The following SLC2A5 variants were observed in gnomAD, a reference collection of about 807,000 sequenced individuals.
The protein encoded by SLC2A5 is solute carrier family 2, facilitated glucose transporter member 5.
SLC2A5 carries 56 observed loss-of-function variants against 50.3 expected under a neutral mutation model. The ratio of observed to expected loss-of-function variants is 1.11; its 90% CI spans 0.90 to 1.39. The LOEUF (loss-of-function observed/expected upper bound fraction) is 1.39. Among genes scored for constraint, SLC2A5 ranks in the 40% most tolerant of loss-of-function variants. The pLI is 0.00. For missense variants in SLC2A5, 566 were observed against 650.1 expected (o/e 0.87, Z 1.41); for synonymous variants, 269 against 281.9 (o/e 0.95, Z 0.46).
Position 9,040,077 on chromosome 1 carries a change from C to T in SLC2A5, c.684G>A (p.Ala228=). The T allele has an allele frequency of 1.9e-6, 3 of 1,588,822 alleles. No individual in the cohort carries two copies. Among genetic ancestry groups the T allele is most frequent in the South Asian group, 1.1e-5 (1 of 88,804 alleles). Residue 228 remains alanine (A), a synonymous_variant, in exon 6 of 12, where the codon GCG becomes GCA. Coordinates refer to ENST00000377424, the MANE Select transcript of SLC2A5 (RefSeq NM_003039.3). The surrounding 1 kb of genome is among the most constrained non-coding windows in gnomAD (Gnocchi z 4.3). Reference sequence around the variant, plus strand: ...AGCCCTCGTTACCTTTCTTGGCGGCCGCTTCGTCTTTCTTCTGAATCAGCA... The same window carrying T: ...AGCCCTCGTTACCTTTCTTGGCGGCTGCTTCGTCTTTCTTCTGAATCAGCA... ...RYLLIQKKDE[A]AAKKALQTLR...
intron 1 of SLC2A5, among the ~76,000 whole-genome samples, chr1:9,064,306 T>C (rs1440901171): frequency 2.0e-5 from 3 of 151,972 alleles, no homozygotes; most frequent in Non-Finnish European, 4.4e-5. Flanking sequence ...GATTAGGGCA[T>C]AAGGAAAAGG....
At chr1:9,048,999 C>T in intron 3 of SLC2A5, 2 of 367,998 alleles carry the variant, frequency 5.4e-6, no homozygotes, top group Non-Finnish European at 1.1e-5. Context: ...AATAGAAGAA[C>T]TTCTTTAAGC....
chr1:9,047,473 C>T (rs1206268101), intron 4 of SLC2A5, 137 bp downstream of exon 4: 10 of 802,748 alleles, frequency 1.2e-5, no homozygotes, highest in Non-Finnish European at 1.8e-5. Context: ...AGGGCTCAAC[C>T]ATCTGTTTCA....
chr1:9,075,156 A>G (rs973918959), intron 2 of SLC2A5, among the ~76,000 whole-genome samples: 3 of 152,198 alleles, frequency 2.0e-5, no homozygotes, highest in Non-Finnish European at 4.4e-5. Flanking sequence ...GCCTCTCTTC[A>G]TGGTCCACAA....
intron 3 of SLC2A5, among the ~76,000 whole-genome samples, chr1:9,056,184 T>G (rs980416678): frequency 6.6e-6 from 1 of 152,014 alleles, no homozygotes; most frequent in Non-Finnish European, 1.5e-5. Context: ...CAGCGGTGTT[T>G]TTTGTTTGTT....
At chr1:9,038,286 C>T in intron 10 of SLC2A5, 145 bp downstream of exon 10, 1 of 704,588 alleles carries the variant, frequency 1.4e-6, no homozygotes, top group Non-Finnish European at 2.5e-6. Flanking sequence ...TCATTATGTG[C>T]CACCCACCCC....
chr1:9,086,612 A>T (rs1227643027), intron 1 of SLC2A5, among the ~76,000 whole-genome samples: 1 of 152,010 alleles, frequency 6.6e-6, no homozygotes, highest in Non-Finnish European at 1.5e-5. Flanking sequence ...GTTGGTCTTG[A>T]ACTCCTGATC....
chr1:9,070,834 G>A (rs893920562), upstream of SLC2A5, among the ~76,000 whole-genome samples: 11 of 151,638 alleles, frequency 7.3e-5, no homozygotes, highest in Admixed American at 6.6e-5. Flanking sequence ...CAGCGTGGCC[G>A]TCTGTGTGTG....
intron 3 of SLC2A5, among the ~76,000 whole-genome samples, chr1:9,053,461 A>T (rs1341751134): frequency 5.2e-5 from 2 of 38,400 alleles, no homozygotes; most frequent in Admixed American, 4.7e-4. Flanking sequence ...ATTTATATAT[A>T]TTATATATAT....
intron 1 of SLC2A5, among the ~76,000 whole-genome samples, chr1:9,062,836 C>T (rs1471725422): frequency 6.6e-6 from 1 of 152,076 alleles, no homozygotes; most frequent in Non-Finnish European, 1.5e-5. Flanking sequence ...CACGCCATTG[C>T]ACTCCAGTCT....
upstream of SLC2A5, among the ~76,000 whole-genome samples, chr1:9,089,273 CTT>C (rs928039946): frequency 2.0e-4 from 31 of 152,132 alleles, no homozygotes; most frequent in Non-Finnish European, 3.5e-4. Context: ...TTATGAAAAA[CTT>C]AGAGAAATTA....
intron 8 of SLC2A5, among the ~76,000 whole-genome samples, chr1:9,039,308 G>C (rs970092263): frequency 6.6e-6 from 1 of 152,240 alleles, no homozygotes; most frequent in African/African-American, 2.4e-5. Flanking sequence ...CCACCCAGCA[G>C]TGGGCGCTGC....
chr1:9,039,626 C>A lies in SLC2A5; in HGVS notation c.922G>T (p.Gly308Cys). Residue 308 changes from glycine (G) to cysteine (C), a missense_variant, in exon 8 of 12, where the codon GGC becomes TGC. Transcript: ENST00000377424. ...YYADQIYLSA[G>C]VPEEHVQYVT... ...TACTGCACGTGCTCCTCCGGCACGC[C>A]GGCGCTCAGGTAGATCTGGTCCGCG... 6.4e-7 allele frequency: 1 copy of A among 1,564,608 alleles called. No individual in the cohort carries two copies. The highest frequency in any genetic ancestry group is 8.7e-7 in the Non-Finnish European group (1 of 1,155,498).
At chr1:9,056,522 G>A (rs1023453756) in intron 3 of SLC2A5, among the ~76,000 whole-genome samples, 1 of 151,862 alleles carries the variant, frequency 6.6e-6, no homozygotes, top group Non-Finnish European at 1.5e-5. Flanking sequence ...TTGAAATACT[G>A]GAGGAGGAGT....
At chr1:9,078,814 T>C (rs576229641) in intron 2 of SLC2A5, among the ~76,000 whole-genome samples, 8 of 152,272 alleles carry the variant, frequency 5.3e-5, no homozygotes, top group African/African-American at 1.4e-4. Flanking sequence ...CTGGGCCTAA[T>C]AAATTTTGCG....
At chr1:9,053,136 T>TA (rs1186191764) in intron 3 of SLC2A5, among the ~76,000 whole-genome samples, 20 of 99,094 alleles carry the variant, frequency 2.0e-4, no homozygotes, top group East Asian at 7.4e-4. Context: ...ATTACATATA[T>TA]TTATATGTTA....
intron 3 of SLC2A5, among the ~76,000 whole-genome samples, chr1:9,053,340 AC>A (rs1218597455): frequency 4.5e-5 from 3 of 67,356 alleles, no homozygotes; most frequent in African/African-American, 1.7e-4. Context: ...ATATTTATAT[AC>A]TATATATATT....
intron 3 of SLC2A5, among the ~76,000 whole-genome samples, chr1:9,054,719 G>A (rs1019405675): frequency 2.6e-5 from 4 of 152,034 alleles, no homozygotes; most frequent in African/African-American, 9.7e-5. Context: ...GAGCCCAGAA[G>A]TTTGAGACCA....
chr1:9,091,406 G>A (rs1642461110), upstream of SLC2A5, among the ~76,000 whole-genome samples: 1 of 152,112 alleles, frequency 6.6e-6, no homozygotes, highest in South Asian at 2.1e-4. Flanking sequence ...GTTTATAAAA[G>A]CTGGCCTCTT....
Sources: gnomAD v4.1 joint callset for allele counts (sites outside exome capture counted in the v4.1 genomes callset) on GRCh38, gnomAD v4.1.1 for gene constraint, Gnocchi (gnomAD v3.1) non-coding constraint, MANE v1.5 for transcripts, NCBI Gene and HGNC (gene_info 2026-07-23, HGNC 2026-07-21) for gene names.